Variants in USP37 observed in about 807,000 individuals in gnomAD.
The protein encoded by USP37 is ubiquitin specific peptidase 37.
Under a neutral mutation model 124.0 loss-of-function variants are expected in USP37, and 27 were observed. That is an observed-to-expected ratio of 0.22 (90% CI 0.16 to 0.30). USP37 has a LOEUF of 0.30. USP37 is among the 10% of genes least tolerant of loss of function. The probability of loss-of-function intolerance (pLI) is 1.00; values close to 1 mark genes in which losing one functional copy is unlikely to be tolerated. For missense variants in USP37, 889 were observed against 1,140.4 expected (o/e 0.78, Z 3.17); for synonymous variants, 365 against 388.0 (o/e 0.94, Z 0.70).
At chr2:218,462,424 G>C (rs1463564107) in intron 22 of USP37, among the ~76,000 whole-genome samples, 1 of 152,158 alleles carries the variant, frequency 6.6e-6, no homozygotes, top group Non-Finnish European at 1.5e-5. Context: ...TTAGGTAAAA[G>C]CTGTTTGAGA....
intron 6 of USP37, among the ~76,000 whole-genome samples, chr2:218,547,301 C>T (rs1291765376): frequency 2.0e-5 from 3 of 152,044 alleles, no homozygotes; most frequent in African/African-American, 7.3e-5. Context: ...TGCAATCTAG[C>T]CTAGGCGACA....
At chr2:218,501,771 G>C (rs1378963861) in intron 11 of USP37, among the ~76,000 whole-genome samples, 1 of 152,168 alleles carries the variant, frequency 6.6e-6, no homozygotes, top group Non-Finnish European at 1.5e-5. Context: ...ACTGAACAAA[G>C]GAAAAGCTCC....
chr2:218,521,164 G>A (rs957444478), intron 10 of USP37, among the ~76,000 whole-genome samples: 2 of 152,094 alleles, frequency 1.3e-5, no homozygotes, highest in South Asian at 2.1e-4. Context: ...AGCTGACGCT[G>A]CCATGCTCCC....
rs769107370 is a variant in USP37 at position 218,482,076 on chromosome 2, A to C, written c.1829T>G (p.Met610Arg). 19 of 1,610,656 alleles carry C rather than the reference A, an allele frequency of 1.2e-5. No individual in the cohort carries two copies. Among genetic ancestry groups the C allele is most frequent in the Non-Finnish European group, 1.6e-5 (19 of 1,177,806 alleles). Residue 610 changes from methionine to arginine, a missense_variant, in exon 17 of 26, where the codon ATG (methionine) becomes AGG (arginine). Coordinates refer to ENST00000258399, the MANE Select transcript of USP37 (RefSeq NM_020935.3). Reference sequence around the variant, plus strand: ...TAGTCTCTCAAGGACTTACATTGCCATATGTGCACTCCAACCAAGGGTAAA... The same window carrying C: ...TAGTCTCTCAAGGACTTACATTGCCCTATGTGCACTCCAACCAAGGGTAAA... Reference protein sequence around the residue: ...PPFTLGWSAHMAISRPLKASQ... With the variant: ...PPFTLGWSAHRAISRPLKASQ...
intron 14 of USP37, among the ~76,000 whole-genome samples, chr2:218,489,925 G>A (rs1435376682): frequency 3.3e-5 from 5 of 152,142 alleles, no homozygotes; most frequent in African/African-American, 9.7e-5. Flanking sequence ...TGCCTGCTGC[G>A]CATGACTCTA....
At chr2:218,491,664 G>C (rs778718469) in intron 14 of USP37, among the ~76,000 whole-genome samples, 2 of 152,152 alleles carry the variant, frequency 1.3e-5, no homozygotes, top group Non-Finnish European at 2.9e-5. Flanking sequence ...TGATAGCAGT[G>C]AATAAACCAA....
At chr2:218,540,020 CTTTT>C (rs1024058107) in intron 8 of USP37, among the ~76,000 whole-genome samples, 3 of 151,300 alleles carry the variant, frequency 2.0e-5, no homozygotes, top group Non-Finnish European at 4.4e-5. Flanking sequence ...AAAAAAAAAT[CTTTT>C]TTTTTATTTC....
chr2:218,530,006 A>G lies in USP37; in HGVS notation c.813T>C (p.Gly271=). Residue 271 remains glycine, a synonymous_variant, in exon 10 of 26, where the codon GGT becomes GGC. Coordinates refer to ENST00000258399, the MANE Select transcript of USP37 (RefSeq NM_020935.3). ...LLPLQSSSFY[G]SRAGSKEHSS... ...AGTGTTCCTTGGATCCAGCTCTGCT[A>G]CCATAAAAGGATGATGACTGTAAAG... The G allele has an allele frequency of 6.2e-7, 1 of 1,613,646 alleles. No individual in the cohort carries two copies. The highest frequency in any genetic ancestry group is 8.5e-7 in the Non-Finnish European group (1 of 1,179,884).
intron 9 of USP37, among the ~76,000 whole-genome samples, chr2:218,532,466 C>CA (rs35277725): frequency 0.31 from 35,772 of 115,048 alleles, 5,739 homozygotes; most frequent in Non-Finnish European, 0.4. Flanking sequence ...GACTCTGTCT[C>CA]AAAAAAAAAA....
Position 218,541,060 on chromosome 2 carries a change from C to A in USP37, c.680+5161G>T, listed in dbSNP as rs150652297. 3.8e-3 allele frequency among the ~76,000 whole-genome samples: 575 copies of A among 152,256 alleles called. 6 individuals carry two copies. Among genetic ancestry groups the A allele is most frequent in the African/African-American group, 0.013 (544 of 41,560 alleles). ...GCCTTCAAGATACCAATAAATCATTCCATTTGTAAAAAATATATGGGTCCA... is the reference window on the plus strand; with the variant it reads ...GCCTTCAAGATACCAATAAATCATTACATTTGTAAAAAATATATGGGTCCA... On this transcript the variant is annotated intron_variant, in intron 8 of 25. Coordinates refer to ENST00000258399, the MANE Select transcript of USP37 (RefSeq NM_020935.3).
chr2:218,462,345 T>G (rs1690061311), intron 22 of USP37, among the ~76,000 whole-genome samples: 1 of 151,558 alleles, frequency 6.6e-6, no homozygotes, highest in Non-Finnish European at 1.5e-5. Flanking sequence ...TCCAAAAAAA[T>G]GAAGACATGG....
intron 21 of USP37, among the ~76,000 whole-genome samples, 164 bp from the exon 22 acceptor site, chr2:218,463,530 CTTTTTTTT>C (rs778154896): frequency 1.0e-5 from 1 of 99,098 alleles, no homozygotes; most frequent in East Asian, 2.9e-4. Flanking sequence ...AAGTTCTTTA[CTTTTTTTT>C]TTTTTTTTTT....
At position 218,525,217 on chromosome 2, in the gene USP37, G is replaced by A. The variant is rs1035657059; in HGVS notation, c.863+4739C>T. Among the ~76,000 whole-genome samples the A allele has an allele frequency of 5.9e-5, 9 of 152,208 alleles. No individual in the cohort carries two copies. In the East Asian group the frequency reaches 1.2e-3, roughly 20 times the overall value. ...CATTCTTGGTCAGGTGCAGTCGCTC[G>A]TGCCTGTAATCCCAGCACTTTGGGA... On this transcript the variant is annotated intron_variant, in intron 10 of 25. Coordinates refer to ENST00000258399, the MANE Select transcript of USP37 (RefSeq NM_020935.3).
intron 14 of USP37, among the ~76,000 whole-genome samples, chr2:218,494,705 G>GA (rs1688977645): frequency 6.6e-6 from 1 of 152,014 alleles, no homozygotes; most frequent in South Asian, 2.1e-4. Flanking sequence ...CATTTTATCT[G>GA]AAAAAAATCT....
intron 6 of USP37, 63 bp downstream of exon 6, chr2:218,549,746 G>T (rs1266526131): frequency 6.7e-7 from 1 of 1,502,808 alleles, no homozygotes; most frequent in Non-Finnish European, 9.1e-7. Context: ...TTACAGGCGT[G>T]AGCCACTGTG....
intron 24 of USP37, 106 bp downstream of exon 24, chr2:218,456,986 A>T (rs1287193363): frequency 9.1e-7 from 1 of 1,100,830 alleles, no homozygotes; most frequent in Non-Finnish European, 1.3e-6. Flanking sequence ...AAAAAGAAAA[A>T]GAAAAAGAAA....
intron 23 of USP37, among the ~76,000 whole-genome samples, chr2:218,458,252 C>T (rs944637738): frequency 1.7e-5 from 1 of 60,164 alleles, no homozygotes; most frequent in African/African-American, 5.5e-5. Flanking sequence ...CAGACCTTGC[C>T]TAAAAAAAAA....
At position 218,474,675 on chromosome 2, in the gene USP37, G is replaced by C; in HGVS notation, c.2254C>G (p.Pro752Ala). The change falls in exon 20 of 26, where the codon CCA (proline) becomes GCA (alanine). Residue 752 changes from proline to alanine, a missense_variant. By Grantham distance (27) the Pro-to-Ala change is conservative (BLOSUM62 -1). This residue lies in a region of USP37 where 504 missense variants were observed against 714.3 expected (regional missense o/e 0.71). Coordinates refer to ENST00000258399, the MANE Select transcript of USP37 (RefSeq NM_020935.3). ...EDDIQEMPEN[P>A]DTMETEKPKT... ...GGCTTCTCAGTTTCCATAGTGTCTGGATTTTCTGGCATTTCTTGAATATCA... is the reference window on the plus strand; with the variant it reads ...GGCTTCTCAGTTTCCATAGTGTCTGCATTTTCTGGCATTTCTTGAATATCA... 6.2e-7 allele frequency: 1 copy of C among 1,614,140 alleles called. No individual in the cohort carries two copies. The highest frequency in any genetic ancestry group is 8.5e-7 in the Non-Finnish European group (1 of 1,180,030).
chr2:218,540,122 G>T (rs879495350), intron 8 of USP37, among the ~76,000 whole-genome samples: 3 of 152,004 alleles, frequency 2.0e-5, no homozygotes, highest in Non-Finnish European at 4.4e-5. Context: ...CACTACTGTC[G>T]TGCTTTGGAT....
Sources: gnomAD v4.1 joint callset for allele counts (sites outside exome capture counted in the v4.1 genomes callset) on GRCh38, gnomAD v4.1.1 for gene constraint, gnomAD v4.1.1 regional missense constraint, MANE v1.5 for transcripts, NCBI Gene and HGNC (gene_info 2026-07-23, HGNC 2026-07-21) for gene names.